SPATA6L: variants seen among roughly 807,000 people sequenced by gnomAD.
SPATA6L encodes spermatogenesis associated 6 like, also known as spermatogenesis associated 6-like protein.
SPATA6L carries 68 observed loss-of-function variants against 49.2 expected under a neutral mutation model. The observed-to-expected ratio is 1.38, with a 90% CI of 1.14 to 1.69. The LOEUF is 1.69. SPATA6L is among the 40% of genes most tolerant of loss of function. The pLI is 0.00. For synonymous variants in SPATA6L, 198 were observed against 165.7 expected, an observed-to-expected ratio of 1.19 and a Z score of -1.50; for missense variants, 668 against 464.3, an observed-to-expected ratio of 1.44 and a Z score of -4.03.
rs1822789407 is a variant in SPATA6L at position 4,599,824 on chromosome 9, G to T, written c.*987C>A. 6.6e-6 allele frequency among the ~76,000 whole-genome samples: 1 copy of T among 152,124 alleles called. No homozygotes were observed. Among genetic ancestry groups the T allele is most frequent in the Non-Finnish European group, 1.5e-5 (1 of 68,028 alleles). Reference sequence around the variant, plus strand: ...GGATTTCAACATACAAATGTTGAGGGGACACAAACATTCACACTATAGTAG... The same window carrying T: ...GGATTTCAACATACAAATGTTGAGGTGACACAAACATTCACACTATAGTAG... On this transcript the variant is annotated 3_prime_UTR_variant, in exon 12 of 12. Transcript: ENST00000682582.
chr9:4,663,248 G>A (rs771006321), intron 1 of SPATA6L: 1 of 1,613,350 alleles, frequency 6.2e-7, no homozygotes, highest in Admixed American at 1.7e-5. Flanking sequence ...TCTTTTTACT[G>A]TGGAGTCAAC....
At chr9:4,663,528 T>C in intron 1 of SPATA6L, 3 of 403,606 alleles carry the variant, frequency 7.4e-6, no homozygotes, top group Non-Finnish European at 1.4e-5. Context: ...CCAGGACAAC[T>C]GCAAAGAAAA....
At chr9:4,636,193 T>C (rs1409449151) in intron 3 of SPATA6L, among the ~76,000 whole-genome samples, 1 of 152,156 alleles carries the variant, frequency 6.6e-6, no homozygotes, top group Non-Finnish European at 1.5e-5. Context: ...TTTTGTTTTG[T>C]TTGGATCTTT....
Position 4,636,101 on chromosome 9 carries a change from A to G in SPATA6L, c.227-702T>C, listed in dbSNP as rs960003362. ...ATAATTATATAACTATGTTGCATGT[A>G]AACACAAAGCCTTTTTTTTTTGCAT... On this transcript the variant is annotated intron_variant, in intron 3 of 11. Coordinates refer to ENST00000682582, the MANE Select transcript of SPATA6L (RefSeq NM_001353486.2). Among the ~76,000 whole-genome samples the G allele has an allele frequency of 1.9e-4, 28 of 145,560 alleles. 1 individual carries two copies. Among genetic ancestry groups the G allele is most frequent in the African/African-American group, 7.3e-4 (27 of 36,954 alleles).
At chr9:4,641,116 C>T (rs941617186) in intron 3 of SPATA6L, among the ~76,000 whole-genome samples, 2 of 152,054 alleles carry the variant, frequency 1.3e-5, no homozygotes, top group African/African-American at 2.4e-5. Context: ...TTTTAAAATG[C>T]AGTATATCTT....
At chr9:4,627,684 C>T (rs1830600403) in intron 5 of SPATA6L, 80 of 1,245,388 alleles carry the variant, frequency 6.4e-5, no homozygotes, top group Non-Finnish European at 8.2e-5. Context: ...GGGAGGCAGA[C>T]ACTAGGACTG....
At chr9:4,648,714 T>TAAATAAATAAATGAA (rs60168646) in intron 3 of SPATA6L, among the ~76,000 whole-genome samples, 2 of 145,118 alleles carry the variant, frequency 1.4e-5, no homozygotes, top group African/African-American at 5.4e-5. Flanking sequence ...AATAAATAAA[T>TAAATAAATAAATGAA]TAAATAAATA....
intron 3 of SPATA6L, among the ~76,000 whole-genome samples, chr9:4,650,869 T>TGTGTGTGTGTGC (rs1554739997): frequency 1.7e-5 from 2 of 118,486 alleles, no homozygotes; most frequent in African/African-American, 6.5e-5. Flanking sequence ...TGTGTGTGTG[T>TGTGTGTGTGTGC]GTGTGTATTT....
At chr9:4,592,308 C>G (rs140178100) in intron 13 of SPATA6L, among the ~76,000 whole-genome samples, 1,364 of 110,004 alleles carry the variant, frequency 0.012, 22 homozygotes, top group African/African-American at 0.041. Context: ...GAGGGAGACT[C>G]CATCTCAAAA....
At position 4,662,131 on chromosome 9, in the gene SPATA6L, A is replaced by G; in HGVS notation, c.40-95T>C. The G allele has an allele frequency of 3.3e-6, 5 of 1,512,450 alleles. No individual in the cohort carries two copies. The highest frequency in any genetic ancestry group is 4.4e-6 in the Non-Finnish European group (5 of 1,129,532). 93.7% of individuals were successfully genotyped at this position (1,512,450 alleles called of 1,614,324 possible). Reference sequence around the variant, plus strand: ...CTATTTCTCTTAAGCTCCTACAGACACTGACATTTTCCCCATCACCTCACT... The same window carrying G: ...CTATTTCTCTTAAGCTCCTACAGACGCTGACATTTTCCCCATCACCTCACT... On this transcript the variant is annotated intron_variant, in intron 1 of 11. Coordinates refer to ENST00000682582, the MANE Select transcript of SPATA6L (RefSeq NM_001353486.2). This position sits in a 1 kb window ranked among gnomAD's most constrained non-coding sequence, Gnocchi z 4.9.
downstream of SPATA6L, among the ~76,000 whole-genome samples, chr9:4,593,451 A>G (rs1268298867): frequency 6.6e-6 from 1 of 152,146 alleles, no homozygotes; most frequent in African/African-American, 2.4e-5. Context: ...ACTCTCCCCA[A>G]AATCCCTTTC....
rs74979902 is a variant in SPATA6L, at chr9:4,634,442, C to T, written c.351+833G>A. Among the ~76,000 whole-genome samples, 892 of 152,212 alleles carry T rather than the reference C, an allele frequency of 5.9e-3. 12 individuals carry two copies. The highest frequency in any genetic ancestry group is 0.02 in the African/African-American group (840 of 41,534). The stretch of plus-strand genomic sequence containing the variant: ...TGATTAGGACAACCTTTAATGAATG[C>T]TTGCTGTTTGATGTATTAGAAGCTC... On this transcript the variant is annotated intron_variant, in intron 4 of 11. Transcript: ENST00000682582.
rs1242954434 is a variant in SPATA6L at position 4,591,656 on chromosome 9, G to A, written c.*255-2695C>T. Among the ~76,000 whole-genome samples the A allele has an allele frequency of 2.6e-5, 4 of 152,192 alleles. No individual in the cohort carries two copies. In the South Asian group the frequency reaches 6.2e-4, roughly 24 times the overall value. ...AGAAAGGTTAAGGTAGAAAGAATGT[G>A]TCAACTTCACATGAATCACAAATCC... is the stretch of plus-strand genomic sequence containing the variant. On this transcript the variant is annotated intron_variant and NMD_transcript_variant, in intron 13 of 13. Coordinates refer to the SPATA6L transcript ENST00000461761.
intron 3 of SPATA6L, among the ~76,000 whole-genome samples, chr9:4,655,737 G>C (rs1837990069): frequency 6.6e-6 from 1 of 152,104 alleles, no homozygotes; most frequent in African/African-American, 2.4e-5. Flanking sequence ...TTTTAGTAGA[G>C]ATGGGGTTTC....
chr9:4,603,833 G>A (rs1003922361), intron 11 of SPATA6L, among the ~76,000 whole-genome samples: 6 of 152,164 alleles, frequency 3.9e-5, no homozygotes, highest in Non-Finnish European at 7.3e-5. Flanking sequence ...TATCCAGGCA[G>A]AGTCAGGAAG....
At chr9:4,651,975 A>C (rs1836990642) in intron 3 of SPATA6L, among the ~76,000 whole-genome samples, 1 of 152,208 alleles carries the variant, frequency 6.6e-6, no homozygotes, top group Non-Finnish European at 1.5e-5. Context: ...AAATGAAATA[A>C]AATGCGCACA....
chr9:4,661,285 G>C (rs759072991), intron 2 of SPATA6L, among the ~76,000 whole-genome samples: 11 of 152,118 alleles, frequency 7.2e-5, no homozygotes, highest in African/African-American at 2.4e-4. Flanking sequence ...AATGTTAAGA[G>C]ATTGTCAGTG....
chr9:4,622,972 T>G (rs887910809), intron 6 of SPATA6L, among the ~76,000 whole-genome samples: 2 of 138,656 alleles, frequency 1.4e-5, no homozygotes, highest in African/African-American at 6.4e-5. Flanking sequence ...GTATCTACAT[T>G]TTTGAAAAAA....
chr9:4,626,821 G>A lies in SPATA6L; in HGVS notation c.430-1255C>T, dbSNP rs12348811. ...CCATGAAAAATTGTCTGGCACAAGAGTACCTGAGGACATGAGAAAATGTTT... is the reference window on the plus strand; with the variant it reads ...CCATGAAAAATTGTCTGGCACAAGAATACCTGAGGACATGAGAAAATGTTT... On this transcript the variant is annotated intron_variant, in intron 5 of 11. Transcript: ENST00000682582. The A allele has an allele frequency of 8.6e-3, 1,870 of 216,824 alleles. 32 individuals are homozygous for A. The highest frequency in any genetic ancestry group is 0.037 in the African/African-American group (1,644 of 43,906). The allele number at this position is 216,824 out of a possible 1,614,324, so 13.4% of individuals were successfully genotyped here.
Sources: allele counts gnomAD v4.1 joint callset (sites outside exome capture counted in the v4.1 genomes callset), GRCh38; gene constraint gnomAD v4.1.1; non-coding constraint Gnocchi (gnomAD v3.1); transcripts MANE v1.5; gene names NCBI Gene and HGNC (gene_info 2026-07-23, HGNC 2026-07-21).